GRID2: variants seen among roughly 807,000 people sequenced by gnomAD.
GRID2 encodes glutamate receptor ionotropic, delta-2.
A neutral mutation model predicts 114.8 loss-of-function variants in GRID2; 33 were observed. That is an observed-to-expected ratio of 0.29 (90% CI 0.22 to 0.38). GRID2 has a LOEUF of 0.38. GRID2 is among the 10% of genes least tolerant of loss of function. The probability of loss-of-function intolerance (pLI) is 1.00; values close to 1 mark genes in which losing one functional copy is unlikely to be tolerated. For missense variants in GRID2, 1,184 were observed against 1,257.7 expected, an observed-to-expected ratio of 0.94 and a Z score of 0.89; for synonymous variants, 505 against 449.9, an observed-to-expected ratio of 1.12 and a Z score of -1.55.
chr4:92,565,043 G>T (rs1727272389), intron 1 of GRID2, among the ~76,000 whole-genome samples: 2 of 151,946 alleles, frequency 1.3e-5, no homozygotes, highest in African/African-American at 4.8e-5. Context: ...AACCACAAAT[G>T]TGGGAATGGT....
At chr4:93,566,567 T>C (rs1735442098) in intron 13 of GRID2, among the ~76,000 whole-genome samples, 1 of 152,044 alleles carries the variant, frequency 6.6e-6, no homozygotes, top group Non-Finnish European at 1.5e-5. Context: ...GCCAGGAGTT[T>C]GAGACCAGCC....
rs181097843 is a variant in GRID2, at chr4:92,614,488, G to T, written c.244+24202G>T. 3.1e-3 allele frequency among the ~76,000 whole-genome samples: 476 copies of T among 151,536 alleles called. 2 individuals carry two copies. Among genetic ancestry groups the T allele is most frequent in the African/African-American group, 0.011 (458 of 41,402 alleles). On this transcript the variant is annotated intron_variant, in intron 2 of 15. Coordinates refer to ENST00000282020, the MANE Select transcript of GRID2 (RefSeq NM_001510.4). ...GTCTTGTAATTTATTTCACCAATGG[G>T]TGCATTGTTTAATTTCTGAATATTT...
At chr4:93,265,920 A>G (rs995891272) in intron 8 of GRID2, among the ~76,000 whole-genome samples, 4 of 152,150 alleles carry the variant, frequency 2.6e-5, no homozygotes, top group South Asian at 2.1e-4. Context: ...TTATTTTACA[A>G]TCATTTGTAT....
chr4:92,666,719 T>A (rs1039534592), intron 2 of GRID2, among the ~76,000 whole-genome samples: 1 of 147,932 alleles, frequency 6.8e-6, no homozygotes, highest in Non-Finnish European at 1.5e-5. Context: ...CTGAAAACTT[T>A]CTAATTTTCC....
intron 2 of GRID2, among the ~76,000 whole-genome samples, chr4:93,053,952 A>G (rs1318308218): frequency 6.6e-6 from 1 of 151,936 alleles, no homozygotes; most frequent in Non-Finnish European, 1.5e-5. Flanking sequence ...TATTCAAAAT[A>G]TCTCATAACT....
intron 9 of GRID2, among the ~76,000 whole-genome samples, chr4:93,402,970 C>T (rs1196989352): frequency 6.6e-6 from 1 of 152,048 alleles, no homozygotes; most frequent in Non-Finnish European, 1.5e-5. Context: ...TCAAGCTTTT[C>T]TGAGGTCCCA....
Position 92,304,473 on chromosome 4 carries a change from G to T in GRID2, c.-184G>T, listed in dbSNP as rs1472746847. The stretch of plus-strand genomic sequence containing the variant: ...TGCGAAGGAGGTTTCCTCAGGCTGG[G>T]CTCTTTCTGTCATTCCCTTCTGCCT... On this transcript the variant is annotated 5_prime_UTR_variant, in exon 1 of 16. Coordinates refer to ENST00000282020, the MANE Select transcript of GRID2 (RefSeq NM_001510.4). 1 of 612,256 alleles carries T rather than the reference G, an allele frequency of 1.6e-6. No individual in the cohort carries two copies. The highest frequency in any genetic ancestry group is 1.9e-5 in the African/African-American group (1 of 53,832). The allele number at this position is 612,256 out of a possible 1,614,324, so 37.9% of individuals were successfully genotyped here. A position where few individuals can be genotyped will look rare whatever the true frequency, so the allele number is the denominator to read the frequency against.
At chr4:92,389,759 G>A (rs930001256) in intron 1 of GRID2, among the ~76,000 whole-genome samples, 1 of 152,000 alleles carries the variant, frequency 6.6e-6, no homozygotes, top group African/African-American at 2.4e-5. Context: ...TTAAAAGTTT[G>A]TACTCAGATA....
intron 2 of GRID2, among the ~76,000 whole-genome samples, chr4:92,899,010 T>C (rs1747372193): frequency 6.6e-6 from 1 of 152,118 alleles, no homozygotes; most frequent in Non-Finnish European, 1.5e-5. Context: ...TTTGTGTATA[T>C]AAAATCATAT....
intron 14 of GRID2, among the ~76,000 whole-genome samples, chr4:93,755,684 A>G (rs140129462): frequency 6.6e-6 from 1 of 152,318 alleles, no homozygotes; most frequent in East Asian, 1.9e-4. Context: ...ACATTTAATG[A>G]TGTTACAATT....
intron 2 of GRID2, among the ~76,000 whole-genome samples, chr4:92,773,018 A>G (rs922984209): frequency 3.9e-5 from 6 of 152,208 alleles, no homozygotes; most frequent in African/African-American, 1.4e-4. Context: ...GTTCAGCACA[A>G]TGGAAATTTG....
chr4:92,914,461 G>C (rs1472305559), intron 2 of GRID2, among the ~76,000 whole-genome samples: 1 of 152,078 alleles, frequency 6.6e-6, no homozygotes, highest in African/African-American at 2.4e-5. Context: ...GTGCAGGTTT[G>C]TTACATAGGT....
chr4:93,033,221 G>A (rs1323031598), intron 2 of GRID2, among the ~76,000 whole-genome samples: 1 of 152,062 alleles, frequency 6.6e-6, no homozygotes, highest in African/African-American at 2.4e-5. Context: ...CAAATTCAGG[G>A]TTATCCCAAA....
chr4:93,384,667 G>A lies in GRID2; in HGVS notation c.1246-10940G>A, dbSNP rs143236060. ...TCTTCTTAATTATAAATTTTAAGTG[G>A]TGGGAGAATGATGTATTTACACTAA... On this transcript the variant is annotated intron_variant, in intron 8 of 15. Coordinates refer to ENST00000282020, the MANE Select transcript of GRID2 (RefSeq NM_001510.4). Among the ~76,000 whole-genome samples the A allele has an allele frequency of 9.0e-3, 1,366 of 152,192 alleles. 13 individuals are homozygous for A. The highest frequency in any genetic ancestry group is 0.013 in the Non-Finnish European group (879 of 68,010).
At chr4:92,892,264 A>G (rs772299137) in intron 2 of GRID2, among the ~76,000 whole-genome samples, 22 of 152,048 alleles carry the variant, frequency 1.4e-4, no homozygotes, top group Non-Finnish European at 2.8e-4. Flanking sequence ...GAGTTTCACC[A>G]TGTTGGCCTG....
chr4:93,619,936 T>C (rs531581390), intron 13 of GRID2, among the ~76,000 whole-genome samples: 3 of 152,332 alleles, frequency 2.0e-5, no homozygotes, highest in South Asian at 4.1e-4. Flanking sequence ...TGTCACATGC[T>C]TTTGCATTCC....
chr4:92,958,678 C>T (rs1369139458), intron 2 of GRID2, among the ~76,000 whole-genome samples: 1 of 152,002 alleles, frequency 6.6e-6, no homozygotes, highest in Non-Finnish European at 1.5e-5. Flanking sequence ...GTAATGCTGA[C>T]TTCATAGAAT....
At chr4:93,538,036 T>A (rs1234021898) in intron 13 of GRID2, among the ~76,000 whole-genome samples, 2 of 151,888 alleles carry the variant, frequency 1.3e-5, no homozygotes, top group East Asian at 3.9e-4. Flanking sequence ...ATAAAAAATT[T>A]CAGGAATTAC....
intron 2 of GRID2, among the ~76,000 whole-genome samples, chr4:92,687,502 G>C (rs937761171): frequency 6.6e-6 from 1 of 152,026 alleles, no homozygotes; most frequent in Admixed American, 6.6e-5. Flanking sequence ...CACTAGCATT[G>C]TGTCCAAATA....
Sources: allele counts gnomAD v4.1 joint callset (sites outside exome capture counted in the v4.1 genomes callset), GRCh38; gene constraint gnomAD v4.1.1; transcripts MANE v1.5; gene names NCBI Gene and HGNC (gene_info 2026-07-23, HGNC 2026-07-21).